ELMO1: variants seen among roughly 807,000 people sequenced by gnomAD.
The protein encoded by ELMO1 is engulfment and cell motility protein 1.
A neutral mutation model predicts 98.9 loss-of-function variants in ELMO1; 26 were observed. The ratio of observed to expected loss-of-function variants is 0.26; its 90% CI spans 0.19 to 0.36. The LOEUF is 0.36. Ranked by LOEUF, ELMO1 falls within the 10% of genes least tolerant of loss-of-function variation. The pLI is 1.00. For missense variants in ELMO1, 627 were observed against 935.2 expected, an observed-to-expected ratio of 0.67 and a Z score of 4.30; for synonymous variants, 346 against 346.0, an observed-to-expected ratio of 1.00 and a Z score of 0.00.
chr7:37,386,882 G>T (rs1015669962), intron 1 of ELMO1, among the ~76,000 whole-genome samples: 3 of 152,202 alleles, frequency 2.0e-5, no homozygotes, highest in African/African-American at 7.2e-5. Flanking sequence ...CATGCACATT[G>T]TAATTGACTC....
At chr7:37,289,991 C>A (rs1250325769) in intron 4 of ELMO1, among the ~76,000 whole-genome samples, 1 of 152,208 alleles carries the variant, frequency 6.6e-6, no homozygotes, top group Non-Finnish European at 1.5e-5. Flanking sequence ...GGGACTAATG[C>A]AACATAGGCC....
chr7:37,356,968 C>G (rs940596817), intron 1 of ELMO1, among the ~76,000 whole-genome samples: 2 of 152,088 alleles, frequency 1.3e-5, no homozygotes, highest in Non-Finnish European at 2.9e-5. Flanking sequence ...CCCAAAGACC[C>G]TCTTTCCAGA....
chr7:37,260,082 T>C (rs1219435981), intron 5 of ELMO1, among the ~76,000 whole-genome samples: 1 of 152,194 alleles, frequency 6.6e-6, no homozygotes, highest in African/African-American at 2.4e-5. Context: ...TGGGTAATAA[T>C]TTGTAGTCCA....
chr7:37,100,386 T>A (rs1584642875), intron 14 of ELMO1, among the ~76,000 whole-genome samples: 1 of 152,242 alleles, frequency 6.6e-6, no homozygotes, highest in East Asian at 1.9e-4. Context: ...GTGTTTCTTG[T>A]CGCTCTTCTC....
At chr7:37,066,913 C>T (rs1797009640) in intron 15 of ELMO1, among the ~76,000 whole-genome samples, 1 of 152,204 alleles carries the variant, frequency 6.6e-6, no homozygotes, top group African/African-American at 2.4e-5. Flanking sequence ...TGGAAATCCA[C>T]TTGCATTACC....
intron 16 of ELMO1, among the ~76,000 whole-genome samples, chr7:36,904,274 G>A (rs980746843): frequency 1.3e-5 from 2 of 152,256 alleles, no homozygotes; most frequent in Non-Finnish European, 2.9e-5. Context: ...CTTTTCAAAT[G>A]TGCCTCGAGA....
intron 13 of ELMO1, among the ~76,000 whole-genome samples, chr7:37,174,486 C>T (rs1790388299): frequency 6.6e-6 from 1 of 152,184 alleles, no homozygotes; most frequent in African/African-American, 2.4e-5. Context: ...CAGTTTGCCC[C>T]TGGGCTCCTG....
intron 16 of ELMO1, among the ~76,000 whole-genome samples, chr7:36,940,026 G>A (rs1584406035): frequency 6.6e-6 from 1 of 152,202 alleles, no homozygotes; most frequent in East Asian, 1.9e-4. Flanking sequence ...ACAGGATTTT[G>A]GGTGTGGAAA....
At chr7:37,057,525 T>C (rs2129210055) in intron 15 of ELMO1, among the ~76,000 whole-genome samples, 1 of 152,382 alleles carries the variant, frequency 6.6e-6, no homozygotes. Context: ...TTTCATGCTT[T>C]CATGAGCTTT....
chr7:37,225,567 A>ACGAAAAACT (rs548604431), intron 8 of ELMO1, among the ~76,000 whole-genome samples: 158 of 152,326 alleles, frequency 1.0e-3, no homozygotes, highest in South Asian at 1.9e-3. Context: ...ACTCTCTTAA[A>ACGAAAAACT]CGAAAAACTC....
At chr7:37,166,413 CT>C (rs1381834743) in intron 13 of ELMO1, among the ~76,000 whole-genome samples, 2 of 152,046 alleles carry the variant, frequency 1.3e-5, no homozygotes, top group Non-Finnish European at 2.9e-5. Context: ...TTTTCTAGTT[CT>C]TTTAATTGTG....
At chr7:37,047,511 G>A (rs951123253) in intron 15 of ELMO1, among the ~76,000 whole-genome samples, 3 of 152,196 alleles carry the variant, frequency 2.0e-5, no homozygotes, top group South Asian at 2.1e-4. Context: ...CTACTCCAGC[G>A]TCACCTGTTC....
rs1030007159 is a variant in ELMO1 at position 37,051,463 on chromosome 7, C to T, written c.1301-38028G>A. On this transcript the variant is annotated intron_variant, in intron 15 of 21. Coordinates refer to ENST00000310758, the MANE Select transcript of ELMO1 (RefSeq NM_014800.11). Reference sequence around the variant, plus strand: ...AGACAGTATGAATTATTTCACTTTCCAAGTTCTTTCTGTGAAATATTAATC... The same window carrying T: ...AGACAGTATGAATTATTTCACTTTCTAAGTTCTTTCTGTGAAATATTAATC... Among the ~76,000 whole-genome samples the T allele has an allele frequency of 3.5e-4, 54 of 152,122 alleles. 2 individuals are homozygous for T. The highest frequency in any genetic ancestry group is 8.8e-5 in the Non-Finnish European group (6 of 68,020).
intron 10 of ELMO1, 96 bp from the exon 11 acceptor site, chr7:37,216,791 C>T (rs528692027): frequency 4.1e-6 from 5 of 1,205,058 alleles, no homozygotes; most frequent in Non-Finnish European, 6.2e-6. Flanking sequence ...TGCTTCGTAA[C>T]TGTATATCAG....
At position 37,115,253 on chromosome 7, in the gene ELMO1, A is replaced by C. The variant is rs79578877; in HGVS notation, c.1191+17877T>G. 5.9e-3 allele frequency among the ~76,000 whole-genome samples: 902 copies of C among 152,340 alleles called. 10 individuals are homozygous for C. Among genetic ancestry groups the C allele is most frequent in the African/African-American group, 0.021 (865 of 41,574 alleles). Reference sequence around the variant, plus strand: ...GGAGTAGTTCTTAACTAATTCTATAAAACCAGTATTACCCTAATACCAAAA... The same window carrying C: ...GGAGTAGTTCTTAACTAATTCTATACAACCAGTATTACCCTAATACCAAAA... On this transcript the variant is annotated intron_variant, in intron 14 of 21. Coordinates refer to ENST00000310758, the MANE Select transcript of ELMO1 (RefSeq NM_014800.11).
chr7:36,914,516 C>CCT (rs1193155644), intron 16 of ELMO1, among the ~76,000 whole-genome samples: 49 of 130,026 alleles, frequency 3.8e-4, no homozygotes, highest in Middle Eastern at 8.3e-3. Context: ...AATGTACATT[C>CCT]TTTTTTTTTT....
chr7:37,132,396 T>A (rs1160168154), intron 14 of ELMO1, among the ~76,000 whole-genome samples: 2 of 152,202 alleles, frequency 1.3e-5, no homozygotes, highest in African/African-American at 2.4e-5. Context: ...CTGATCTCAA[T>A]CTTGGATCTA....
intron 14 of ELMO1, among the ~76,000 whole-genome samples, chr7:37,105,233 T>A (rs537038419): frequency 6.6e-6 from 1 of 152,260 alleles, no homozygotes; most frequent in South Asian, 2.1e-4. Context: ...GGGCAAAGGA[T>A]TAAATAACAG....
At chr7:37,016,136 ATTAT>A (rs1421777461) in intron 15 of ELMO1, among the ~76,000 whole-genome samples, 1 of 152,180 alleles carries the variant, frequency 6.6e-6, no homozygotes, top group East Asian at 1.9e-4. Context: ...ATCTAGTGTG[ATTAT>A]TTGTGTACTT....
Sources: gnomAD v4.1 joint callset for allele counts (sites outside exome capture counted in the v4.1 genomes callset) on GRCh38, gnomAD v4.1.1 for gene constraint, MANE v1.5 for transcripts, NCBI Gene and HGNC (gene_info 2026-07-23, HGNC 2026-07-21) for gene names.